ERC2: variants seen among roughly 807,000 people sequenced by gnomAD.
ERC2 encodes ERC protein 2.
ERC2 carries 42 observed loss-of-function variants against 114.8 expected under a neutral mutation model. That is an observed-to-expected ratio of 0.37 (90% confidence interval 0.29 to 0.47). The LOEUF is 0.47. ERC2 is among the 20% of genes least tolerant of loss of function. ERC2 has a pLI of 0.99. For synonymous variants in ERC2, 454 were observed against 425.5 expected (o/e 1.07, Z -0.82); for missense variants, 939 against 1,150.7 (o/e 0.82, Z 2.66).
intron 15 of ERC2, among the ~76,000 whole-genome samples, chr3:55,709,575 T>C (rs1320014248): frequency 1.3e-5 from 2 of 152,108 alleles, no homozygotes; most frequent in East Asian, 1.9e-4. Context: ...TCCTGAGAAC[T>C]GTGGGAGGAC....
At chr3:56,107,305 T>C (rs546800591) in intron 6 of ERC2, among the ~76,000 whole-genome samples, 12 of 152,086 alleles carry the variant, frequency 7.9e-5, no homozygotes, top group African/African-American at 2.7e-4. Flanking sequence ...TTGCAGTTAC[T>C]TGCTAGCATA....
At chr3:55,951,227 T>C (rs1256972554) in intron 12 of ERC2, among the ~76,000 whole-genome samples, 1 of 152,224 alleles carries the variant, frequency 6.6e-6, no homozygotes, top group African/African-American at 2.4e-5. Context: ...GTTGCTGTTC[T>C]AATTATTATT....
chr3:56,316,867 A>G (rs1289349385), intron 2 of ERC2, among the ~76,000 whole-genome samples: 1 of 152,212 alleles, frequency 6.6e-6, no homozygotes, highest in East Asian at 1.9e-4. Flanking sequence ...TGCTACAAAG[A>G]ATTCTTCCTT....
At chr3:56,181,630 T>C (rs1208276515) in intron 3 of ERC2, among the ~76,000 whole-genome samples, 2 of 152,218 alleles carry the variant, frequency 1.3e-5, no homozygotes, top group Non-Finnish European at 2.9e-5. Flanking sequence ...ATTCTCTTTA[T>C]AAAGTGAAGC....
At chr3:55,910,414 AAAAACAAAAC>A (rs921212512) in intron 13 of ERC2, among the ~76,000 whole-genome samples, 1 of 152,088 alleles carries the variant, frequency 6.6e-6, no homozygotes, top group Non-Finnish European at 1.5e-5. Context: ...AAAAAACAAA[AAAAACAAAAC>A]AAAACAAAAG....
intron 2 of ERC2, among the ~76,000 whole-genome samples, chr3:56,413,097 C>T (rs1031126746): frequency 4.6e-5 from 7 of 152,196 alleles, no homozygotes; most frequent in Non-Finnish European, 7.3e-5. Context: ...AGGACATTGA[C>T]TAGGACATGC....
intron 2 of ERC2, among the ~76,000 whole-genome samples, chr3:56,339,079 G>C (rs114656618): frequency 0.024 from 3,710 of 152,188 alleles, 64 homozygotes; most frequent in Admixed American, 0.034. Flanking sequence ...CCTCAGTTCT[G>C]TCCCTCCCAG....
chr3:56,221,621 G>C (rs1387717115), intron 3 of ERC2, among the ~76,000 whole-genome samples: 15 of 152,110 alleles, frequency 9.9e-5, no homozygotes, highest in Non-Finnish European at 1.8e-4. Flanking sequence ...AATCTAAAAA[G>C]CAGCCGGGCA....
At chr3:56,286,699 C>T (rs1021289137) in intron 3 of ERC2, among the ~76,000 whole-genome samples, 2 of 151,836 alleles carry the variant, frequency 1.3e-5, no homozygotes, top group African/African-American at 4.8e-5. Context: ...GTACTATATA[C>T]GTACTTACGT....
intron 13 of ERC2, among the ~76,000 whole-genome samples, chr3:55,918,838 A>C (rs2149379009): frequency 6.6e-6 from 1 of 151,188 alleles, no homozygotes; most frequent in East Asian, 1.9e-4. Flanking sequence ...AGACTAGCTA[A>C]AGAATCATGC....
intron 14 of ERC2, among the ~76,000 whole-genome samples, chr3:55,814,645 C>T (rs1401938468): frequency 6.6e-6 from 1 of 152,144 alleles, no homozygotes; most frequent in Non-Finnish European, 1.5e-5. Flanking sequence ...TGACAGATGA[C>T]AAGTTGTAAG....
At chr3:56,030,241 T>C (rs913632774) in intron 7 of ERC2, among the ~76,000 whole-genome samples, 1 of 152,222 alleles carries the variant, frequency 6.6e-6, no homozygotes, top group Non-Finnish European at 1.5e-5. Context: ...TAGTTTATCT[T>C]GGTGAATATT....
At chr3:56,135,356 G>A (rs926572867) in intron 6 of ERC2, among the ~76,000 whole-genome samples, 3 of 152,140 alleles carry the variant, frequency 2.0e-5, no homozygotes, top group Non-Finnish European at 2.9e-5. Flanking sequence ...TGACTCAATT[G>A]AAGTATAGAA....
At chr3:56,231,291 T>C (rs1246533771) in intron 3 of ERC2, among the ~76,000 whole-genome samples, 1 of 152,194 alleles carries the variant, frequency 6.6e-6, no homozygotes, top group East Asian at 1.9e-4. Flanking sequence ...CCAAAACCTA[T>C]CTTTGAAGGC....
At chr3:55,800,652 A>G (rs2070973479) in intron 14 of ERC2, among the ~76,000 whole-genome samples, 1 of 152,132 alleles carries the variant, frequency 6.6e-6, no homozygotes, top group Non-Finnish European at 1.5e-5. Context: ...AAACAAGAGT[A>G]GAGGCCAAGA....
intron 2 of ERC2, among the ~76,000 whole-genome samples, chr3:56,331,590 G>A (rs2150457717): frequency 6.6e-6 from 1 of 152,298 alleles, no homozygotes; most frequent in East Asian, 1.9e-4. Flanking sequence ...CACCCAGAAA[G>A]CCCTGAGGCT....
At chr3:56,185,414 C>T (rs979069121) in intron 3 of ERC2, among the ~76,000 whole-genome samples, 2 of 152,160 alleles carry the variant, frequency 1.3e-5, no homozygotes, top group Non-Finnish European at 2.9e-5. Flanking sequence ...GAGCAGATAA[C>T]TTGTTTCTCT....
intron 12 of ERC2, among the ~76,000 whole-genome samples, chr3:55,965,465 G>A (rs1350368713): frequency 6.6e-6 from 1 of 152,146 alleles, no homozygotes; most frequent in Non-Finnish European, 1.5e-5. Context: ...CATATTATAT[G>A]TTAGCTATTT....
intron 3 of ERC2, among the ~76,000 whole-genome samples, chr3:56,231,377 T>C (rs1360499267): frequency 1.3e-5 from 2 of 152,226 alleles, no homozygotes; most frequent in Admixed American, 1.3e-4. Flanking sequence ...CTTTCACCTG[T>C]GTACACACTC....
Sources: gnomAD v4.1 joint callset for allele counts (sites outside exome capture counted in the v4.1 genomes callset) on GRCh38, gnomAD v4.1.1 for gene constraint, MANE v1.5 for transcripts, NCBI Gene and HGNC (gene_info 2026-07-23, HGNC 2026-07-21) for gene names.